Variants in SNX19 observed in about 807,000 individuals in gnomAD.
The protein encoded by SNX19 is sorting nexin 19.
A neutral mutation model predicts 85.2 loss-of-function variants in SNX19; 60 were observed. The ratio of observed to expected loss-of-function variants is 0.70; its 90% confidence interval spans 0.57 to 0.87. SNX19 has a LOEUF of 0.87. Ranked by LOEUF, SNX19 falls within the 40% of genes least tolerant of loss-of-function variation. SNX19 has a pLI of 0.00. For missense variants in SNX19, 1,201 were observed against 1,217.8 expected, an observed-to-expected ratio of 0.99 and a Z score of 0.21; for synonymous variants, 520 against 470.0, an observed-to-expected ratio of 1.11 and a Z score of -1.38.
rs2135430118 is a variant in SNX19 at position 130,915,122 on chromosome 11, T to C, written c.818A>G (p.Asp273Gly). 1.9e-6 allele frequency: 3 copies of C among 1,613,784 alleles called. No homozygotes were observed. In the East Asian group the frequency reaches 6.7e-5, roughly 36 times the overall value. ...GGCACTGGCTGGGCAGGGTGCTGGATCTCTGGCCTTGGAAAAGATACCCAC... is the reference window on the plus strand; with the variant it reads ...GGCACTGGCTGGGCAGGGTGCTGGACCTCTGGCCTTGGAAAAGATACCCAC... ...VLVGIFSKAR[D>G]PAPCPASAPE... Residue 273 changes from aspartate to glycine, a missense_variant, in exon 1 of 11, where the codon GAT becomes GGT. Asp to Gly is a moderately conservative substitution (Grantham distance 94, BLOSUM62 -1). Transcript: ENST00000265909.
At chr11:130,907,292 T>C (rs939789507) in intron 5 of SNX19, among the ~76,000 whole-genome samples, 1 of 152,136 alleles carries the variant, frequency 6.6e-6, no homozygotes, top group African/African-American at 2.4e-5. Context: ...TGTGAGTCTG[T>C]TATTGCTGGC....
At chr11:130,906,236 G>T in intron 6 of SNX19, 103 bp from the exon 7 acceptor site, 1 of 1,205,750 alleles carries the variant, frequency 8.3e-7, no homozygotes, top group Admixed American at 2.5e-5. Context: ...AGTACCTTGG[G>T]TATAAAACCC....
At chr11:130,888,160 C>T (rs1944222263) in intron 8 of SNX19, among the ~76,000 whole-genome samples, 2 of 150,716 alleles carry the variant, frequency 1.3e-5, no homozygotes, top group Admixed American at 1.3e-4. Context: ...TGTATTTGTG[C>T]AATTAAAAAA....
chr11:130,888,987 C>A (rs1944295902), intron 8 of SNX19, among the ~76,000 whole-genome samples: 1 of 152,198 alleles, frequency 6.6e-6, no homozygotes, highest in African/African-American at 2.4e-5. Flanking sequence ...CATTCATTCA[C>A]TGCTGAATGA....
In SNX19 at chr11:130,874,320, C is replaced by A. The variant is rs1162185067; in HGVS notation, c.*4102G>T. Among the ~76,000 whole-genome samples, 1 of 152,176 alleles carries A rather than the reference C, an allele frequency of 6.6e-6. No individual in the cohort carries two copies. Reference sequence around the variant, plus strand: ...TATAGGTGTGAGCCGCTGTGCCCGGCCTAGAAGAGGATTCTTGAAGGACTT... The same window carrying A: ...TATAGGTGTGAGCCGCTGTGCCCGGACTAGAAGAGGATTCTTGAAGGACTT... On this transcript the variant is annotated 3_prime_UTR_variant, in exon 11 of 11. Transcript: ENST00000265909.
rs924079660 is a variant in SNX19, at chr11:130,871,059, C to A, written c.*7363G>T. ...GGGCAGAGGTAGCCTACTTGCCCAG[C>A]TGGAGAAGAGAAGGTAATCTACCAC... On this transcript the variant is annotated 3_prime_UTR_variant, in exon 11 of 11. Coordinates refer to ENST00000265909, the MANE Select transcript of SNX19 (RefSeq NM_014758.3). Among the ~76,000 whole-genome samples the A allele has an allele frequency of 4.6e-5, 7 of 151,978 alleles. No homozygotes were observed. Among genetic ancestry groups the A allele is most frequent in the African/African-American group, 1.7e-4 (7 of 41,376 alleles).
rs774780243 is a variant in SNX19, at chr11:130,880,666, GC to G, written c.2713del (p.Ala905LeufsTer10). ...GCTCTGCAAAGCCTGTTTCTCAGCA[GC>G]CAGTTTCTGCTCTTGGGTCCTTACG... is the stretch of plus-strand genomic sequence containing the variant. ...RPVRTQEQKL[A>X]AEKQALQSLM... On this transcript the variant is annotated frameshift_variant, in exon 9 of 11. Coordinates refer to ENST00000265909, the MANE Select transcript of SNX19 (RefSeq NM_014758.3). LOFTEE classifies it high-confidence loss of function. 2 of 1,609,548 alleles carry G rather than the reference GC, an allele frequency of 1.2e-6. No homozygotes were observed. Among genetic ancestry groups the G allele is most frequent in the East Asian group, 4.5e-5 (2 of 44,710 alleles).
chr11:130,879,748 C>G (rs1030362205), intron 9 of SNX19, 37 bp from the exon 10 acceptor site: 3 of 1,588,758 alleles, frequency 1.9e-6, no homozygotes, highest in Non-Finnish European at 2.6e-6. Context: ...TGCGTGTTAT[C>G]ACTGAAGTTT....
In SNX19 at chr11:130,903,450, G is replaced by A. The variant is rs537970122; in HGVS notation, c.2444-66C>T. On this transcript the variant is annotated intron_variant, in intron 7 of 10. Coordinates refer to ENST00000265909, the MANE Select transcript of SNX19 (RefSeq NM_014758.3). The stretch of plus-strand genomic sequence containing the variant: ...CCATACTTGAGGAACATCTTTCAAG[G>A]TACTGGTGGCACCTGTGTCTCTCTA... The A allele has an allele frequency of 7.7e-6, 12 of 1,555,844 alleles. No homozygotes were observed. In the African/African-American group the frequency reaches 1.4e-4, roughly 18 times the overall value.
Position 130,915,144 on chromosome 11 carries a change from C to T in SNX19, c.796G>A (p.Gly266Ser), listed in dbSNP as rs1442435313. 6.2e-7 allele frequency: 1 copy of T among 1,613,766 alleles called. No homozygotes were observed. Among genetic ancestry groups the T allele is most frequent in the African/African-American group, 1.3e-5 (1 of 74,916 alleles). Residue 266 changes from glycine (G) to serine (S), a missense_variant, in exon 1 of 11, where the codon GGT becomes AGT. Physicochemically the swap from Gly to Ser is moderately conservative, Grantham distance 56. Around this residue, in one of 3 missense-constraint regions of SNX19, gnomAD observed 791 missense variants for 750.9 expected, o/e 1.05. Coordinates refer to ENST00000265909, the MANE Select transcript of SNX19 (RefSeq NM_014758.3). Reference sequence around the variant, plus strand: ...GGATCTCTGGCCTTGGAAAAGATACCCACGAGTACAAGGTGGATCCAGTCA... The same window carrying T: ...GGATCTCTGGCCTTGGAAAAGATACTCACGAGTACAAGGTGGATCCAGTCA... ...DPDWIHLVLV[G>S]IFSKARDPAP...
At chr11:130,899,308 C>T (rs1374332675) in intron 8 of SNX19, among the ~76,000 whole-genome samples, 2 of 152,176 alleles carry the variant, frequency 1.3e-5, no homozygotes, top group African/African-American at 4.8e-5. Context: ...CAGGGTGCTT[C>T]CAGGTATGAG....
chr11:130,915,762 C>T lies in SNX19; in HGVS notation c.178G>A (p.Val60Met), dbSNP rs763091499. The change falls in exon 1 of 11, where the codon GTG becomes ATG. Residue 60 changes from valine to methionine, a missense_variant. Physicochemically the swap from Val to Met is conservative, Grantham distance 21. Around this residue, in one of 3 missense-constraint regions of SNX19, gnomAD observed 791 missense variants for 750.9 expected, o/e 1.05. Coordinates refer to ENST00000265909, the MANE Select transcript of SNX19 (RefSeq NM_014758.3). ...CTGGAGCCCAGCCATCCTCCCAGCA[C>T]CACTAGCAATGCCGACAGAAGGCAC... ...LLCLLSALLV[V>M]LGGWLGSSLA... 1.1e-5 allele frequency: 18 copies of T among 1,614,230 alleles called. 1 individual carries two copies. In the South Asian group the frequency reaches 1.6e-4, roughly 15 times the overall value.
chr11:130,908,988 T>C (rs1945880068), intron 4 of SNX19, among the ~76,000 whole-genome samples: 1 of 152,200 alleles, frequency 6.6e-6, no homozygotes, highest in Non-Finnish European at 1.5e-5. Context: ...GTCAGCAGAC[T>C]ACAGTAAAGA....
Position 130,869,126 on chromosome 11 carries a change from C to G in SNX19, c.*9296G>C, listed in dbSNP as rs1259457709. ...AATCTGCCTCCAAGGGATTAACAGCCCAGTAGGGAAGACAGACCAACAGGC... is the reference window on the plus strand; with the variant it reads ...AATCTGCCTCCAAGGGATTAACAGCGCAGTAGGGAAGACAGACCAACAGGC... On this transcript the variant is annotated 3_prime_UTR_variant, in exon 11 of 11. Transcript: ENST00000265909. 1 of 152,138 alleles carries G rather than the reference C, an allele frequency of 6.6e-6. No individual in the cohort carries two copies. Among genetic ancestry groups the G allele is most frequent in the Non-Finnish European group, 1.5e-5 (1 of 68,038 alleles). The allele number at this position is 152,138 out of a possible 1,614,324, so 9.4% of individuals were successfully genotyped here.
chr11:130,909,173 G>C (rs11222386), intron 4 of SNX19, among the ~76,000 whole-genome samples: 24,237 of 152,232 alleles, frequency 0.16, 2,154 homozygotes, highest in Middle Eastern at 0.24. Flanking sequence ...GTGTCTGGCT[G>C]AAAACAGGCA....
At chr11:130,908,671 G>A (rs1424323724) in intron 4 of SNX19, among the ~76,000 whole-genome samples, 9 of 152,138 alleles carry the variant, frequency 5.9e-5, no homozygotes, top group Non-Finnish European at 1.5e-5. Flanking sequence ...TCAAAACTAA[G>A]ATATCTGGAG....
At chr11:130,900,462 C>T (rs1414374967) in intron 8 of SNX19, among the ~76,000 whole-genome samples, 1 of 152,166 alleles carries the variant, frequency 6.6e-6, no homozygotes, top group African/African-American at 2.4e-5. Flanking sequence ...ACTTTTCTGC[C>T]TTAGATCTCC....
chr11:130,906,581 T>A, intron 6 of SNX19, 44 bp downstream of exon 6: 2 of 1,341,040 alleles, frequency 1.5e-6, no homozygotes, highest in Non-Finnish European at 1.1e-6. Context: ...AGGACCAACA[T>A]CTCAGATATT....
intron 8 of SNX19, among the ~76,000 whole-genome samples, chr11:130,888,736 T>G (rs1212742054): frequency 6.6e-6 from 1 of 152,226 alleles, no homozygotes; most frequent in Non-Finnish European, 1.5e-5. Flanking sequence ...AATGGCAATG[T>G]TTCTTAATGA....
Sources: gnomAD v4.1 joint callset for allele counts (sites outside exome capture counted in the v4.1 genomes callset) on GRCh38, gnomAD v4.1.1 for gene constraint, gnomAD v4.1.1 regional missense constraint, MANE v1.5 for transcripts, NCBI Gene and HGNC (gene_info 2026-07-23, HGNC 2026-07-21) for gene names.